Variants in ADAMTS20 observed in about 807,000 individuals in gnomAD.
ADAMTS20 encodes ADAM metallopeptidase with thrombospondin type 1 motif 20.
ADAMTS20 carries 225 observed loss-of-function variants against 260.1 expected under a neutral mutation model. The ratio of observed to expected loss-of-function variants is 0.87; its 90% CI spans 0.78 to 0.97. The LOEUF (loss-of-function observed/expected upper bound fraction) is 0.97, where lower values mean the gene tolerates loss of function less well. ADAMTS20 is among the 50% of genes least tolerant of loss of function. The pLI is 0.00. For missense variants in ADAMTS20, 2,400 were observed against 2,337.7 expected (o/e 1.03, Z -0.55); for synonymous variants, 802 against 769.5 (o/e 1.04, Z -0.70).
Position 43,527,757 on chromosome 12 carries a change from A to C in ADAMTS20, c.613+4279T>G, listed in dbSNP as rs142371651. Among the ~76,000 whole-genome samples the C allele has an allele frequency of 9.9e-3, 1,502 of 152,276 alleles. 16 individuals are homozygous for C. The highest frequency in any genetic ancestry group is 0.021 in the South Asian group (99 of 4,824). ...CACTGAATGGGGAAAAGTTGAAAGC[A>C]TTCCCCCTGAGAACTGGAACAAGGC... is the stretch of plus-strand genomic sequence containing the variant. On this transcript the variant is annotated intron_variant, in intron 3 of 38. Coordinates refer to ENST00000389420, the MANE Select transcript of ADAMTS20 (RefSeq NM_025003.5).
chr12:43,501,481 G>GCGCGCGCGCA (rs373746834), intron 4 of ADAMTS20, among the ~76,000 whole-genome samples: 1 of 117,808 alleles, frequency 8.5e-6, no homozygotes, highest in African/African-American at 3.2e-5. Context: ...GCGCGCGCGC[G>GCGCGCGCGCA]CACACACACA....
intron 14 of ADAMTS20, among the ~76,000 whole-genome samples, chr12:43,448,896 C>T (rs1399850250): frequency 6.6e-6 from 1 of 152,060 alleles, no homozygotes; most frequent in Admixed American, 6.6e-5. Flanking sequence ...AGCGCAATAT[C>T]ACTGATCATT....
intron 37 of ADAMTS20, among the ~76,000 whole-genome samples, chr12:43,366,755 G>A (rs1203747100): frequency 2.6e-5 from 4 of 151,346 alleles, no homozygotes; most frequent in African/African-American, 9.7e-5. Flanking sequence ...TAAATGAAAG[G>A]AAACACAACA....
At chr12:43,400,988 G>C (rs1334706458) in intron 28 of ADAMTS20, among the ~76,000 whole-genome samples, 1 of 151,836 alleles carries the variant, frequency 6.6e-6, no homozygotes, top group Non-Finnish European at 1.5e-5. Flanking sequence ...TAATCTAAAT[G>C]ATACACATCA....
chr12:43,462,265 G>A (rs545076641), intron 11 of ADAMTS20, among the ~76,000 whole-genome samples: 1 of 152,312 alleles, frequency 6.6e-6, no homozygotes, highest in Admixed American at 6.5e-5. Context: ...AACACTTAAT[G>A]TAGTCAACAC....
chr12:43,372,013 A>C (rs772547718), intron 36 of ADAMTS20, among the ~76,000 whole-genome samples: 5 of 152,186 alleles, frequency 3.3e-5, no homozygotes, highest in Non-Finnish European at 7.3e-5. Context: ...TTTGGCAGGA[A>C]ATGTTAGAAG....
Position 43,464,133 on chromosome 12 carries a change from A to G in ADAMTS20, c.1509+458T>C, listed in dbSNP as rs555126267. On this transcript the variant is annotated intron_variant, in intron 10 of 38. Transcript: ENST00000389420. ...CAAAATATTATAAAATAATAGCTCA[A>G]TGAAAAACTAAACAATATGCCCCAA... Among the ~76,000 whole-genome samples, 51 of 152,256 alleles carry G rather than the reference A, an allele frequency of 3.3e-4. 1 individual carries two copies. Among genetic ancestry groups the G allele is most frequent in the African/African-American group, 1.2e-3 (48 of 41,584 alleles).
chr12:43,459,601 T>C (rs1231846003), intron 11 of ADAMTS20, among the ~76,000 whole-genome samples: 1 of 152,232 alleles, frequency 6.6e-6, no homozygotes, highest in Non-Finnish European at 1.5e-5. Flanking sequence ...TCATGTATCC[T>C]ACAGCAACAG....
At chr12:43,514,745 T>C (rs1274129581) in intron 3 of ADAMTS20, among the ~76,000 whole-genome samples, 1 of 152,156 alleles carries the variant, frequency 6.6e-6, no homozygotes, top group Non-Finnish European at 1.5e-5. Flanking sequence ...CTATTATTTC[T>C]TGAAAAGATG....
chr12:43,408,508 G>A (rs1054441212), intron 28 of ADAMTS20, among the ~76,000 whole-genome samples: 3 of 152,086 alleles, frequency 2.0e-5, no homozygotes, highest in Non-Finnish European at 4.4e-5. Context: ...CAGCCATAAA[G>A]CCAAGAACTA....
At chr12:43,383,448 A>C in intron 31 of ADAMTS20, 110 bp downstream of exon 31, 2 of 1,072,584 alleles carry the variant, frequency 1.9e-6, no homozygotes, top group Non-Finnish European at 2.6e-6. Flanking sequence ...TATGCATACC[A>C]TCATCTGCCC....
chr12:43,439,548 C>CA, intron 18 of ADAMTS20, 74 bp downstream of exon 18: 3 of 1,528,940 alleles, frequency 2.0e-6, no homozygotes, highest in Non-Finnish European at 2.6e-6. Flanking sequence ...CATAGGCAGC[C>CA]AAGACTCAAA....
In ADAMTS20 at chr12:43,375,482, A is replaced by T. The variant is rs1204818252; in HGVS notation, c.5343T>A (p.Asn1781Lys). ...RLKNPYQCPF[N>K]GSRREDCECD... ...ATTCACAGTCTTCCCTTCTACTCCC[A>T]TTAAAAGGACATTGATATGGATTTT... Residue 1781 changes from asparagine (N) to lysine (K), a missense_variant, in exon 36 of 39, where the codon AAT (asparagine) becomes AAA (lysine). Transcript: ENST00000389420. 3 of 1,613,240 alleles carry T rather than the reference A, an allele frequency of 1.9e-6. No homozygotes were observed. Among genetic ancestry groups the T allele is most frequent in the Non-Finnish European group, 2.5e-6 (3 of 1,179,476 alleles).
intron 14 of ADAMTS20, among the ~76,000 whole-genome samples, chr12:43,448,602 C>T (rs1175362741): frequency 4.6e-5 from 7 of 152,150 alleles, no homozygotes. Context: ...ATGATGAAGA[C>T]ACCGAAAGCA....
chr12:43,360,552 G>T (rs1306459692), intron 37 of ADAMTS20, among the ~76,000 whole-genome samples: 2 of 152,130 alleles, frequency 1.3e-5, no homozygotes, highest in Admixed American at 1.3e-4. Context: ...GAGAATTTGA[G>T]TCCCCAATCA....
At chr12:43,483,110 A>T (rs1422043680) in intron 7 of ADAMTS20, among the ~76,000 whole-genome samples, 1 of 152,096 alleles carries the variant, frequency 6.6e-6, no homozygotes, top group Non-Finnish European at 1.5e-5. Context: ...TTCCACCTCC[A>T]TCAGAGCTGG....
At position 43,514,962 on chromosome 12, in the gene ADAMTS20, T is replaced by C. The variant is rs752784046; in HGVS notation, c.614-12557A>G. Among the ~76,000 whole-genome samples the C allele has an allele frequency of 1.4e-3, 216 of 152,356 alleles. 2 individuals carry two copies. The highest frequency in any genetic ancestry group is 1.5e-3 in the Non-Finnish European group (100 of 68,032). On this transcript the variant is annotated intron_variant, in intron 3 of 38. Transcript: ENST00000389420. ...CGCTATTAAAATTCACAGTAATACA[T>C]GATTCTACTACATTAATCTTATCTT...
chr12:43,469,385 T>C (rs1942212312), intron 7 of ADAMTS20, among the ~76,000 whole-genome samples: 2 of 152,132 alleles, frequency 1.3e-5, no homozygotes, highest in Admixed American at 1.3e-4. Context: ...AAGATGAAGG[T>C]ATGAACTGGC....
chr12:43,478,559 G>T, intron 7 of ADAMTS20, among the ~76,000 whole-genome samples: 1 of 152,036 alleles, frequency 6.6e-6, no homozygotes, highest in Non-Finnish European at 1.5e-5. Context: ...TAAATAAAAA[G>T]AAACATACCT....
Sources: allele counts gnomAD v4.1 joint callset (sites outside exome capture counted in the v4.1 genomes callset), GRCh38; gene constraint gnomAD v4.1.1; transcripts MANE v1.5; gene names NCBI Gene and HGNC (gene_info 2026-07-23, HGNC 2026-07-21).